KCND3: variants seen among roughly 807,000 people sequenced by gnomAD.
KCND3 encodes potassium voltage-gated channel subfamily D member 3.
KCND3 carries 9 observed loss-of-function variants against 51.1 expected under a neutral mutation model. The ratio of observed to expected loss-of-function variants is 0.18; its 90% CI spans 0.11 to 0.31. The LOEUF is 0.31. Among genes scored for constraint, KCND3 ranks in the 10% least tolerant of loss-of-function variants. KCND3 has a pLI of 1.00. For missense variants in KCND3, 526 were observed against 903.8 expected, an observed-to-expected ratio of 0.58 and a Z score of 5.36; for synonymous variants, 349 against 368.0, an observed-to-expected ratio of 0.95 and a Z score of 0.59.
In KCND3 at chr1:111,964,479, G is replaced by C. The variant is rs909264501; in HGVS notation, c.1106+17142C>G. Among the ~76,000 whole-genome samples the C allele has an allele frequency of 4.6e-5, 7 of 152,246 alleles. No homozygotes were observed. The East Asian group carries it at 9.7e-4, about 21-fold the overall frequency. ...GGTGGGGTGGGGTGGGGGCAGCAGA[G>C]CCCTGGTCAGTAACCTCCTGCCTCA... On this transcript the variant is annotated intron_variant, in intron 2 of 7. Transcript: ENST00000302127.
intron 2 of KCND3, among the ~76,000 whole-genome samples, chr1:111,936,959 G>A (rs1013834512): frequency 1.3e-5 from 2 of 152,186 alleles, no homozygotes; most frequent in African/African-American, 4.8e-5. Context: ...GGTTGGATGG[G>A]GGTGAGACTA....
At chr1:111,800,856 G>C (rs1411485429) in intron 2 of KCND3, among the ~76,000 whole-genome samples, 2 of 152,184 alleles carry the variant, frequency 1.3e-5, no homozygotes, top group African/African-American at 4.8e-5. Flanking sequence ...AATTATGAGA[G>C]GCATGCTTTT....
intron 2 of KCND3, among the ~76,000 whole-genome samples, chr1:111,795,327 G>A (rs1192326985): frequency 6.6e-6 from 1 of 152,206 alleles, no homozygotes; most frequent in African/African-American, 2.4e-5. Context: ...TTCCTCTGAA[G>A]ACACCACCTA....
chr1:111,798,878 A>G (rs561881628), intron 2 of KCND3, among the ~76,000 whole-genome samples: 3 of 151,940 alleles, frequency 2.0e-5, no homozygotes, highest in African/African-American at 7.2e-5. Flanking sequence ...CACTTGAAGT[A>G]GGGGAATCTA....
chr1:111,826,970 T>G (rs1320864559), intron 2 of KCND3, among the ~76,000 whole-genome samples: 1 of 152,234 alleles, frequency 6.6e-6, no homozygotes, highest in Non-Finnish European at 1.5e-5. Context: ...ATATTCACAT[T>G]AAACTTATGG....
At chr1:111,784,463 G>T (rs746292162) in intron 3 of KCND3, among the ~76,000 whole-genome samples, 8 of 152,022 alleles carry the variant, frequency 5.3e-5, no homozygotes, top group Non-Finnish European at 1.2e-4. Context: ...TTGGCTCAGA[G>T]GACACAGTAT....
intron 2 of KCND3, among the ~76,000 whole-genome samples, chr1:111,830,054 C>A (rs985771077): frequency 6.6e-6 from 1 of 152,184 alleles, no homozygotes; most frequent in Non-Finnish European, 1.5e-5. Flanking sequence ...TCCTCCGGTC[C>A]ATCTTTCTAC....
rs1210902557 is a variant in KCND3, at chr1:111,778,515, A to G, written c.1462-23T>C. On this transcript the variant is annotated intron_variant, in intron 5 of 7. Coordinates refer to ENST00000302127, the MANE Select transcript of KCND3 (RefSeq NM_001378969.1). ...CCCCTACAGGACAACATGCCAACAG[A>G]AGATAAAAACACCATTGATTGTACA... 1.9e-6 allele frequency: 3 copies of G among 1,610,928 alleles called. No homozygotes were observed. The Admixed American group carries it at 5.0e-5, about 27-fold the overall frequency.
chr1:111,903,232 G>A (rs1165876779), intron 2 of KCND3, among the ~76,000 whole-genome samples: 1 of 152,216 alleles, frequency 6.6e-6, no homozygotes, highest in African/African-American at 2.4e-5. Flanking sequence ...TCAGTACCTC[G>A]CTGCTTTCTC....
At chr1:111,941,118 G>A (rs1672497018) in intron 2 of KCND3, among the ~76,000 whole-genome samples, 1 of 152,152 alleles carries the variant, frequency 6.6e-6, no homozygotes, top group African/African-American at 2.4e-5. Context: ...TCAGATGAGT[G>A]GCAGCTGCTG....
At position 111,989,607 on chromosome 1, in the gene KCND3, G is replaced by A. The variant is rs1323544347; in HGVS notation, c.-175C>T. On this transcript the variant is annotated 5_prime_UTR_variant, in exon 1 of 8. Transcript: ENST00000302127. ...GGAGGCGCCGAGCGCCCAGCAGCGC[G>A]GGGAAGCGCCCAGCAGCCGCCGCTC... is the stretch of plus-strand genomic sequence containing the variant. Among the ~76,000 whole-genome samples the A allele has an allele frequency of 6.8e-6, 1 of 147,764 alleles. No individual in the cohort carries two copies. Among genetic ancestry groups the A allele is most frequent in the Admixed American group, 6.7e-5 (1 of 14,874 alleles).
At chr1:111,822,975 C>T (rs1435345188) in intron 2 of KCND3, among the ~76,000 whole-genome samples, 1 of 152,200 alleles carries the variant, frequency 6.6e-6, no homozygotes, top group Non-Finnish European at 1.5e-5. Flanking sequence ...ATTCAAGACA[C>T]AGCCCCTGCC....
chr1:111,856,612 G>C (rs921736409), intron 2 of KCND3, among the ~76,000 whole-genome samples: 3 of 152,230 alleles, frequency 2.0e-5, no homozygotes, highest in African/African-American at 4.8e-5. Context: ...CCCGACTTGG[G>C]GTCAGCGCCA....
chr1:111,903,540 G>A (rs755192196), intron 2 of KCND3, among the ~76,000 whole-genome samples: 1 of 152,202 alleles, frequency 6.6e-6, no homozygotes, highest in African/African-American at 2.4e-5. Flanking sequence ...CTCTGAATCT[G>A]CTCATTAAGC....
chr1:111,897,061 A>G (rs1203411241), intron 2 of KCND3, among the ~76,000 whole-genome samples: 3 of 152,238 alleles, frequency 2.0e-5, no homozygotes, highest in Admixed American at 6.5e-5. Flanking sequence ...CCCAGGGCTT[A>G]GCACACGGGG....
At chr1:111,934,499 G>C (rs919463848) in intron 2 of KCND3, among the ~76,000 whole-genome samples, 1 of 152,212 alleles carries the variant, frequency 6.6e-6, no homozygotes, top group Non-Finnish European at 1.5e-5. Context: ...GGTGAAAGCG[G>C]TTGTCTAAAT....
intron 2 of KCND3, among the ~76,000 whole-genome samples, chr1:111,879,215 T>A (rs926971893): frequency 1.3e-5 from 2 of 152,150 alleles, no homozygotes; most frequent in East Asian, 1.9e-4. Flanking sequence ...AATAACTCTC[T>A]TTCTCTCTCT....
intron 2 of KCND3, among the ~76,000 whole-genome samples, chr1:111,922,844 A>G (rs953603317): frequency 1.3e-5 from 2 of 152,230 alleles, no homozygotes; most frequent in Non-Finnish European, 2.9e-5. Context: ...TCTCTGTTTT[A>G]TATGGTAGTT....
At chr1:111,871,707 TGGTTTCCAAA>T (rs1002259929) in intron 2 of KCND3, among the ~76,000 whole-genome samples, 1 of 152,118 alleles carries the variant, frequency 6.6e-6, no homozygotes, top group Non-Finnish European at 1.5e-5. Context: ...AAATTGGATA[TGGTTTCCAAA>T]GGAGAGTGTT....
Sources: allele counts gnomAD v4.1 joint callset (sites outside exome capture counted in the v4.1 genomes callset), GRCh38; gene constraint gnomAD v4.1.1; transcripts MANE v1.5; gene names NCBI Gene and HGNC (gene_info 2026-07-23, HGNC 2026-07-21).